Variants in KAZN observed in about 807,000 individuals in gnomAD.
The protein encoded by KAZN is kazrin, periplakin interacting protein.
Under a neutral mutation model 87.4 loss-of-function variants are expected in KAZN, and 40 were observed. The observed-to-expected ratio is 0.46, with a 90% CI of 0.36 to 0.60. The LOEUF (loss-of-function observed/expected upper bound fraction) is 0.60, where lower values mean the gene tolerates loss of function less well. Ranked by LOEUF, KAZN falls within the 20% of genes least tolerant of loss-of-function variation. The pLI is 0.00. For synonymous variants in KAZN, 466 were observed against 458.3 expected, an observed-to-expected ratio of 1.02 and a Z score of -0.22; for missense variants, 898 against 1,073.9, an observed-to-expected ratio of 0.84 and a Z score of 2.29.
intron 1 of KAZN, among the ~76,000 whole-genome samples, chr1:13,977,894 G>A (rs909941145): frequency 3.5e-4 from 53 of 152,302 alleles, no homozygotes; most frequent in Non-Finnish European, 8.8e-5. Flanking sequence ...TTGGGAGGCC[G>A]AGGCGGGTGT....
At chr1:14,584,355 T>C (rs1675725594) in intron 2 of KAZN, among the ~76,000 whole-genome samples, 1 of 152,130 alleles carries the variant, frequency 6.6e-6, no homozygotes, top group East Asian at 1.9e-4. Flanking sequence ...GCCGTGTTGT[T>C]CAAGCCTTCT....
At chr1:14,885,731 C>A (rs1653966746) in intron 1 of KAZN, among the ~76,000 whole-genome samples, 1 of 152,130 alleles carries the variant, frequency 6.6e-6, no homozygotes, top group African/African-American at 2.4e-5. Context: ...CTTGTCCCAT[C>A]CCCGTTGTAG....
chr1:15,068,037 A>T, intron 8 of KAZN: 1 of 737,310 alleles, frequency 1.4e-6, no homozygotes, highest in Non-Finnish European at 1.6e-6. Context: ...ATAGCGAATG[A>T]GTTATGGGTA....
chr1:13,999,373 AC>A (rs1263228781), intron 1 of KAZN, among the ~76,000 whole-genome samples: 2 of 149,242 alleles, frequency 1.3e-5, no homozygotes, highest in Admixed American at 6.6e-5. Context: ...AAAACAAAAA[AC>A]AAAAAAACAA....
Position 14,776,304 on chromosome 1 carries a change from T to C in KAZN, c.226+177081T>C, listed in dbSNP as rs571325164. Among the ~76,000 whole-genome samples the C allele has an allele frequency of 2.8e-3, 422 of 152,276 alleles. 1 individual carries two copies. Among genetic ancestry groups the C allele is most frequent in the African/African-American group, 9.5e-3 (394 of 41,572 alleles). ...CAGGCGTGAGCCACTGCACCTGGAC[T>C]CCGTTGTGGGATTTAGGAAGTGGGG... is the stretch of plus-strand genomic sequence containing the variant. On this transcript the variant is annotated intron_variant, in intron 1 of 14. Transcript: ENST00000376030.
At chr1:14,597,680 C>T (rs1463771556), upstream of KAZN, among the ~76,000 whole-genome samples, 1 of 152,158 alleles carries the variant, frequency 6.6e-6, no homozygotes, top group Non-Finnish European at 1.5e-5. Context: ...GCAATCTGCT[C>T]TTTGCTGCTC....
chr1:14,443,379 G>A (rs1334953497), intron 2 of KAZN, among the ~76,000 whole-genome samples: 1 of 152,174 alleles, frequency 6.6e-6, no homozygotes, highest in Non-Finnish European at 1.5e-5. Context: ...GTGGGCCAGG[G>A]GCTCTTGGGA....
At chr1:14,269,358 G>A (rs1227460875) in intron 2 of KAZN, among the ~76,000 whole-genome samples, 1 of 152,078 alleles carries the variant, frequency 6.6e-6, no homozygotes, top group Non-Finnish European at 1.5e-5. Context: ...CTAATAGGAT[G>A]GCTTCTGAAC....
chr1:14,924,134 G>A, intron 1 of KAZN: 1 of 982,392 alleles, frequency 1.0e-6, no homozygotes, highest in Non-Finnish European at 1.2e-6. Context: ...ACTGAGAGCC[G>A]TTCCCACGTG....
chr1:14,777,451 G>C (rs897701220), intron 1 of KAZN, among the ~76,000 whole-genome samples: 1 of 152,040 alleles, frequency 6.6e-6, no homozygotes, highest in Non-Finnish European at 1.5e-5. Flanking sequence ...TTCTCCCTCC[G>C]AGGGCCTCCT....
chr1:13,937,956 A>AACTTCAGTCAG (rs1640799681), intron 1 of KAZN, among the ~76,000 whole-genome samples: 1 of 152,198 alleles, frequency 6.6e-6, no homozygotes, highest in Non-Finnish European at 1.5e-5. Flanking sequence ...GAAGTTAGAT[A>AACTTCAGTCAG]ATGTGATGTC....
chr1:13,973,865 A>G (rs1171921806), intron 1 of KAZN, among the ~76,000 whole-genome samples: 3 of 152,232 alleles, frequency 2.0e-5, no homozygotes, highest in Non-Finnish European at 4.4e-5. Context: ...CTTGTGCCTC[A>G]TTAAGTAGAC....
At chr1:14,606,750 A>C (rs944251446) in intron 1 of KAZN, among the ~76,000 whole-genome samples, 8 of 152,148 alleles carry the variant, frequency 5.3e-5, no homozygotes, top group African/African-American at 1.9e-4. Flanking sequence ...TGTGGAGCAG[A>C]TAATTCTGTG....
intron 1 of KAZN, among the ~76,000 whole-genome samples, chr1:14,707,096 A>G (rs1642250621): frequency 1.3e-5 from 2 of 152,200 alleles, no homozygotes; most frequent in African/African-American, 4.8e-5. Context: ...GTGTGTTGGC[A>G]TTCGAAAACC....
At chr1:14,409,872 A>T (rs1571557688) in intron 2 of KAZN, among the ~76,000 whole-genome samples, 1 of 152,208 alleles carries the variant, frequency 6.6e-6, no homozygotes, top group Non-Finnish European at 1.5e-5. Flanking sequence ...ACAGAATATA[A>T]CAGATACTCT....
intron 1 of KAZN, among the ~76,000 whole-genome samples, chr1:14,072,482 C>G (rs574134953): frequency 4.6e-5 from 7 of 152,240 alleles, no homozygotes; most frequent in South Asian, 4.1e-4. Context: ...CAAGACCTCT[C>G]CAACACTCTG....
intron 2 of KAZN, among the ~76,000 whole-genome samples, chr1:14,360,594 T>C (rs749702840): frequency 1.3e-5 from 2 of 152,212 alleles, no homozygotes; most frequent in Non-Finnish European, 2.9e-5. Context: ...CCCTTTGGTC[T>C]TTGATGCTGC....
intron 2 of KAZN, among the ~76,000 whole-genome samples, chr1:14,339,834 A>G (rs536540775): frequency 3.3e-5 from 5 of 152,216 alleles, no homozygotes; most frequent in South Asian, 2.1e-4. Context: ...AAAATTAACT[A>G]TCACAAGTAG....
intron 2 of KAZN, among the ~76,000 whole-genome samples, chr1:14,469,747 T>C (rs1461785698): frequency 6.6e-6 from 1 of 152,182 alleles, no homozygotes; most frequent in African/African-American, 2.4e-5. Flanking sequence ...GGCCACGATG[T>C]CAGATTCTTA....
Sources: allele counts gnomAD v4.1 joint callset (sites outside exome capture counted in the v4.1 genomes callset), GRCh38; gene constraint gnomAD v4.1.1; transcripts MANE v1.5; gene names NCBI Gene and HGNC (gene_info 2026-07-23, HGNC 2026-07-21).